LTBP1: variants seen among roughly 807,000 people sequenced by gnomAD.
The protein encoded by LTBP1 is latent transforming growth factor beta binding protein 1, also known as latent-transforming growth factor beta-binding protein 1.
Under a neutral mutation model 207.6 loss-of-function variants are expected in LTBP1, and 129 were observed. The observed-to-expected ratio is 0.62, with a 90% CI of 0.54 to 0.72. The LOEUF (loss-of-function observed/expected upper bound fraction) is 0.72. Among genes scored for constraint, LTBP1 ranks in the 30% least tolerant of loss-of-function variants. The probability of loss-of-function intolerance (pLI) is 0.00; values close to 1 mark genes in which losing one functional copy is unlikely to be tolerated. For synonymous variants in LTBP1, 963 were observed against 833.7 expected (o/e 1.16, Z -2.67); for missense variants, 2,281 against 2,217.2 (o/e 1.03, Z -0.58).
intron 3 of LTBP1, among the ~76,000 whole-genome samples, chr2:33,077,782 T>C (rs2078167292): frequency 6.6e-6 from 1 of 152,192 alleles, no homozygotes; most frequent in Admixed American, 6.5e-5. Flanking sequence ...CTCTCAAACA[T>C]TATATTGTTA....
chr2:32,956,637 C>G (rs778643536), intron 2 of LTBP1, among the ~76,000 whole-genome samples: 4 of 152,194 alleles, frequency 2.6e-5, no homozygotes, highest in Admixed American at 2.0e-4. Context: ...CAGCTTCTTC[C>G]AAACTCCTGT....
chr2:33,352,017 A>G lies in LTBP1; in HGVS notation c.4000+4507A>G, dbSNP rs2094788423. ...CCTCTGTTGTGAGTGTCATGCTCCT[A>G]TTTCCAGCTGCCTATTGGACTTTTT... On this transcript the variant is annotated intron_variant, in intron 26 of 33. Coordinates refer to ENST00000404816, the MANE Select transcript of LTBP1 (RefSeq NM_206943.4). 2.6e-5 allele frequency among the ~76,000 whole-genome samples: 4 copies of G among 152,136 alleles called. No homozygotes were observed. In the South Asian group the frequency reaches 8.3e-4, roughly 32 times the overall value.
intron 2 of LTBP1, among the ~76,000 whole-genome samples, chr2:33,015,359 A>G (rs555000336): frequency 6.6e-6 from 1 of 152,142 alleles, no homozygotes; most frequent in Non-Finnish European, 1.5e-5. Flanking sequence ...CCATGTAATG[A>G]ATTAAGAGAC....
intron 19 of LTBP1, among the ~76,000 whole-genome samples, chr2:33,284,772 A>G (rs1192112093): frequency 6.6e-6 from 1 of 151,974 alleles, no homozygotes; most frequent in African/African-American, 2.4e-5. Context: ...CTGAATTTAG[A>G]CAGAGTTTGG....
chr2:33,291,115 A>G (rs2093766167), intron 19 of LTBP1, among the ~76,000 whole-genome samples: 1 of 152,220 alleles, frequency 6.6e-6, no homozygotes. Flanking sequence ...TTCTGGTTCC[A>G]TGCAATTATG....
intron 3 of LTBP1, among the ~76,000 whole-genome samples, chr2:33,022,957 G>A (rs1461169457): frequency 1.3e-5 from 2 of 152,066 alleles, no homozygotes; most frequent in East Asian, 3.9e-4. Flanking sequence ...CTGGGCCATA[G>A]GAAAGCAGGC....
intron 25 of LTBP1, among the ~76,000 whole-genome samples, chr2:33,343,794 C>T (rs2094664183): frequency 6.6e-6 from 1 of 152,128 alleles, no homozygotes; most frequent in Admixed American, 6.6e-5. Context: ...AATGCTCACA[C>T]AGAAAATAAT....
chr2:33,134,018 A>G lies in LTBP1; in HGVS notation c.1034-775A>G, dbSNP rs570363940. On this transcript the variant is annotated intron_variant, in intron 4 of 33. Coordinates refer to ENST00000404816, the MANE Select transcript of LTBP1 (RefSeq NM_206943.4). The surrounding 1 kb of genome is among the most constrained non-coding windows in gnomAD (Gnocchi z 4.4). ...GCTAATGAAAGAAAGCTCCATCCCC[A>G]GTGGCTACTCCAGGTGGTCTATGAA... Among the ~76,000 whole-genome samples, 10 of 152,324 alleles carry G rather than the reference A, an allele frequency of 6.6e-5. No homozygotes were observed. In the South Asian group the frequency reaches 2.1e-3, roughly 32 times the overall value.
chr2:33,090,656 T>A (rs1416097694), intron 3 of LTBP1, among the ~76,000 whole-genome samples: 1 of 152,124 alleles, frequency 6.6e-6, no homozygotes, highest in Admixed American at 6.5e-5. Context: ...GTAGGGAGGC[T>A]AGAATAGGTC....
chr2:33,284,160 G>A (rs1243070767), intron 19 of LTBP1, among the ~76,000 whole-genome samples: 4 of 152,298 alleles, frequency 2.6e-5, no homozygotes, highest in Middle Eastern at 3.4e-3. Flanking sequence ...TGACATGTAA[G>A]CTGGATCTTA....
In LTBP1 at chr2:33,360,660, A is replaced by T. The variant is rs1227279508; in HGVS notation, c.4064A>T (p.Asp1355Val). The change falls in exon 27 of 34, where the codon GAC (aspartate) becomes GTC (valine). Residue 1355 changes from aspartate (D) to valine (V), a missense_variant. Transcript: ENST00000404816. ...AAAGAATGCTACTATAATCTCAATG[A>T]CGCCAGTCTCTGTGATAATGTGTTG... ...EKKECYYNLN[D>V]ASLCDNVLAP... is the part of the protein sequence containing the mutation. 2 of 1,613,760 alleles carry T rather than the reference A, an allele frequency of 1.2e-6. No individual in the cohort carries two copies. The highest frequency in any genetic ancestry group is 3.3e-5 in the Admixed American group (2 of 60,012).
intron 3 of LTBP1, among the ~76,000 whole-genome samples, chr2:33,057,390 A>G (rs1185557841): frequency 6.6e-6 from 1 of 152,192 alleles, no homozygotes; most frequent in Non-Finnish European, 1.5e-5. Context: ...CTGGGGCCGC[A>G]GGTCGAGCTG....
At chr2:33,221,879 TG>T (rs2091131609) in intron 8 of LTBP1, among the ~76,000 whole-genome samples, 200 bp from the exon 9 acceptor site, 3 of 152,214 alleles carry the variant, frequency 2.0e-5, no homozygotes, top group Admixed American at 2.0e-4. Flanking sequence ...GATAATTTCT[TG>T]GGACTTTATT....
At chr2:33,389,635 A>T (rs940380900) in intron 32 of LTBP1, among the ~76,000 whole-genome samples, 1 of 152,140 alleles carries the variant, frequency 6.6e-6, no homozygotes, top group African/African-American at 2.4e-5. Context: ...GGATACTGTT[A>T]TATTTACTTT....
chr2:33,034,511 A>C (rs2075827376), intron 3 of LTBP1, among the ~76,000 whole-genome samples: 1 of 152,144 alleles, frequency 6.6e-6, no homozygotes, highest in Non-Finnish European at 1.5e-5. Context: ...AGGATCAGAA[A>C]ATGGGTTTTG....
intron 7 of LTBP1, among the ~76,000 whole-genome samples, chr2:33,203,680 C>T (rs949214744): frequency 8.5e-5 from 13 of 152,084 alleles, no homozygotes; most frequent in Non-Finnish European, 1.5e-5. Context: ...CGTGGAATAT[C>T]AAATTACCAT....
At chr2:33,237,089 G>A (rs1052735115) in intron 9 of LTBP1, among the ~76,000 whole-genome samples, 6 of 152,112 alleles carry the variant, frequency 3.9e-5, no homozygotes, top group African/African-American at 1.4e-4. Context: ...ATATAATCAC[G>A]AAGAGACTCA....
chr2:33,204,452 CAAAG>C (rs1247349251), intron 7 of LTBP1, among the ~76,000 whole-genome samples: 3 of 152,176 alleles, frequency 2.0e-5, no homozygotes, highest in Non-Finnish European at 4.4e-5. Flanking sequence ...ATATTTTAAA[CAAAG>C]AGAGCAATGC....
Position 32,950,917 on chromosome 2 carries a change from A to C in LTBP1, c.565+1972A>C, listed in dbSNP as rs759026099. On this transcript the variant is annotated intron_variant, in intron 2 of 33. Coordinates refer to ENST00000404816, the MANE Select transcript of LTBP1 (RefSeq NM_206943.4). ...CAAAGATGTTCTAGAAGATCCCAAG[A>C]TGTTCCAAATCTTGGGGAATCTCTT... is the stretch of plus-strand genomic sequence containing the variant. 5.3e-5 allele frequency among the ~76,000 whole-genome samples: 8 copies of C among 152,224 alleles called. No homozygotes were observed. The South Asian group carries it at 1.5e-3, about 28-fold the overall frequency.
Sources: gnomAD v4.1 joint callset for allele counts (sites outside exome capture counted in the v4.1 genomes callset) on GRCh38, gnomAD v4.1.1 for gene constraint, Gnocchi (gnomAD v3.1) non-coding constraint, MANE v1.5 for transcripts, NCBI Gene and HGNC (gene_info 2026-07-23, HGNC 2026-07-21) for gene names.